Variants in MS4A4A observed in about 807,000 individuals in gnomAD.
The protein encoded by MS4A4A is membrane spanning 4-domains A4A.
Under a neutral mutation model 28.0 loss-of-function variants are expected in MS4A4A, and 26 were observed. The ratio of observed to expected loss-of-function variants is 0.93; its 90% confidence interval spans 0.68 to 1.29. MS4A4A has a LOEUF of 1.29. MS4A4A is among the 50% of genes most tolerant of loss of function. The pLI, the probability that MS4A4A is intolerant of heterozygous loss-of-function variation, is 0.00. For synonymous variants in MS4A4A, 86 were observed against 100.8 expected, an observed-to-expected ratio of 0.85 and a Z score of 0.88; for missense variants, 290 against 293.1, an observed-to-expected ratio of 0.99 and a Z score of 0.08.
chr11:60,292,584 T>C (rs964864115), intron 2 of MS4A4A, among the ~76,000 whole-genome samples, 200 bp downstream of exon 2: 2 of 152,194 alleles, frequency 1.3e-5, no homozygotes, highest in Non-Finnish European at 1.5e-5. Flanking sequence ...ATATTTAAAA[T>C]ATATTGAGTT....
At chr11:60,292,744 T>C (rs2084869064) in intron 2 of MS4A4A, among the ~76,000 whole-genome samples, 1 of 152,208 alleles carries the variant, frequency 6.6e-6, no homozygotes, top group Admixed American at 6.5e-5. Flanking sequence ...ATTGCTACTA[T>C]TTCTTTCTGG....
At chr11:60,301,330 C>G (rs372861848) in intron 4 of MS4A4A, among the ~76,000 whole-genome samples, 1 of 151,962 alleles carries the variant, frequency 6.6e-6, no homozygotes, top group Non-Finnish European at 1.5e-5. Flanking sequence ...CAAGTGGGAC[C>G]GCTCCAACAA....
intron 1 of MS4A4A, among the ~76,000 whole-genome samples, chr11:60,288,726 G>A (rs151323172): frequency 2.0e-5 from 3 of 152,276 alleles, no homozygotes; most frequent in African/African-American, 7.2e-5. Context: ...CAGCAGCAAG[G>A]CCTCAGGAAT....
chr11:60,288,747 G>A (rs1443351845), intron 1 of MS4A4A, among the ~76,000 whole-genome samples: 1 of 152,202 alleles, frequency 6.6e-6, no homozygotes, highest in Non-Finnish European at 1.5e-5. Flanking sequence ...GACTAAGCGT[G>A]TCTGTGGCTT....
At chr11:60,305,539 T>C (rs2084992029) in intron 5 of MS4A4A, among the ~76,000 whole-genome samples, 1 of 152,260 alleles carries the variant, frequency 6.6e-6, no homozygotes, top group South Asian at 2.1e-4. Flanking sequence ...TTCTGGCTCT[T>C]GCTTCCACTT....
Position 60,290,658 on chromosome 11 carries a change from C to G in MS4A4A, c.42-1567C>G, listed in dbSNP as rs115546750. Among the ~76,000 whole-genome samples the G allele has an allele frequency of 5.2e-3, 789 of 151,458 alleles. 12 individuals are homozygous for G. Among genetic ancestry groups the G allele is most frequent in the African/African-American group, 0.018 (743 of 41,340 alleles). ...TTGTAATTTTGTACTTTTTATTTTA[C>G]TATTTTTCATAATTTTAAGTATATA... On this transcript the variant is annotated intron_variant, in intron 1 of 6. Transcript: ENST00000337908.
intron 1 of MS4A4A, among the ~76,000 whole-genome samples, chr11:60,283,086 C>T (rs1186869530): frequency 1.3e-5 from 2 of 152,130 alleles, no homozygotes; most frequent in African/African-American, 4.8e-5. Flanking sequence ...TGGAAGGAAC[C>T]AATGACAAAC....
chr11:60,305,496 G>C (rs937262783), intron 5 of MS4A4A, among the ~76,000 whole-genome samples: 3 of 152,186 alleles, frequency 2.0e-5, no homozygotes, highest in Non-Finnish European at 4.4e-5. Flanking sequence ...CAAATCAAGC[G>C]ATGTAGCATC....
At chr11:60,297,591 C>A (rs2135024963) in intron 3 of MS4A4A, among the ~76,000 whole-genome samples, 1 of 152,264 alleles carries the variant, frequency 6.6e-6, no homozygotes, top group East Asian at 1.9e-4. Context: ...ATGGCTTAAA[C>A]ATTGGAAGCA....
chr11:60,308,364 A>AT lies in MS4A4A; in HGVS notation c.*193dup, dbSNP rs1228959314. On this transcript the variant is annotated 3_prime_UTR_variant, in exon 7 of 7. Transcript: ENST00000337908. ...ATAATAAATTCAAAATTATGTTCTC[A>AT]TTTTTTTCCCTGGAACTCAATAACT... 1.9e-6 allele frequency: 1 copy of AT among 523,938 alleles called. No individual in the cohort carries two copies. The highest frequency in any genetic ancestry group is 3.3e-6 in the Non-Finnish European group (1 of 305,404). The allele number at this position is 523,938 out of a possible 1,614,324, so 32.5% of individuals were successfully genotyped here. A position where few individuals can be genotyped will look rare whatever the true frequency, so the allele number is the denominator to read the frequency against.
intron 1 of MS4A4A, 138 bp downstream of exon 1, chr11:60,280,854 TG>T: frequency 3.1e-6 from 3 of 955,870 alleles, no homozygotes; most frequent in Non-Finnish European, 4.7e-6. Context: ...AGGGTTGGGG[TG>T]GGTTGAGTGC....
chr11:60,307,294 TC>T (rs2085011668), intron 6 of MS4A4A, among the ~76,000 whole-genome samples: 1 of 152,064 alleles, frequency 6.6e-6, no homozygotes, highest in Non-Finnish European at 1.5e-5. Flanking sequence ...CACATCCCAC[TC>T]CCCCACAGCC....
intron 5 of MS4A4A, 85 bp downstream of exon 5, chr11:60,302,802 C>T: frequency 1.6e-6 from 2 of 1,269,384 alleles, no homozygotes; most frequent in East Asian, 2.3e-5. Context: ...AATTAATATT[C>T]CCTAATTGAT....
rs1361944239 is a variant in MS4A4A at position 60,297,253 on chromosome 11, T to A, written c.258T>A (p.Cys86Ter). ...MSLSMGITMM[C>*]MASNTYGSNP... Reference sequence around the variant, plus strand: ...TTAGCATGGGAATAACAATGATGTGTATGGCATCTAATACTTATGGAAGTA... The same window carrying A: ...TTAGCATGGGAATAACAATGATGTGAATGGCATCTAATACTTATGGAAGTA... Residue 86 changes from cysteine (C) to a stop codon, truncating the protein, a stop_gained, in exon 3 of 7, where the codon TGT (cysteine) becomes TGA (stop). Coordinates refer to ENST00000337908, the MANE Select transcript of MS4A4A (RefSeq NM_148975.3). LOFTEE classifies it high-confidence loss of function. 9.9e-6 allele frequency: 16 copies of A among 1,613,586 alleles called. No individual in the cohort carries two copies. Among genetic ancestry groups the A allele is most frequent in the Middle Eastern group, 1.6e-4 (1 of 6,084 alleles).
At chr11:60,303,219 T>C (rs1457011603) in intron 5 of MS4A4A, among the ~76,000 whole-genome samples, 2 of 152,244 alleles carry the variant, frequency 1.3e-5, no homozygotes, top group African/African-American at 4.8e-5. Context: ...GTCTTCATTA[T>C]GACTTTTACT....
rs145509304 is a variant in MS4A4A at position 60,302,270 on chromosome 11, C to T, written c.388-289C>T. On this transcript the variant is annotated intron_variant, in intron 4 of 6. Coordinates refer to ENST00000337908, the MANE Select transcript of MS4A4A (RefSeq NM_148975.3). ...GTGGCAGGGAAGGACACAGACAGGG[C>T]TGTCCAGCTAAAGTGTGAAGGACAT... Among the ~76,000 whole-genome samples the T allele has an allele frequency of 6.7e-3, 1,026 of 152,284 alleles. 5 individuals carry two copies. The highest frequency in any genetic ancestry group is 0.012 in the Non-Finnish European group (788 of 68,014).
chr11:60,283,053 G>A (rs2084769828), intron 1 of MS4A4A, among the ~76,000 whole-genome samples: 3 of 152,136 alleles, frequency 2.0e-5, no homozygotes, highest in Admixed American at 2.0e-4. Context: ...GAATGAGATT[G>A]ATTGAGCATA....
chr11:60,305,738 T>C (rs113744727), intron 5 of MS4A4A: 2,679 of 171,904 alleles, frequency 0.016, 71 homozygotes, highest in African/African-American at 0.06. Flanking sequence ...TGCTTACAAT[T>C]ACTAAGATAT....
At chr11:60,300,586 A>C (rs2084943904) in intron 3 of MS4A4A, among the ~76,000 whole-genome samples, 1 of 141,052 alleles carries the variant, frequency 7.1e-6, no homozygotes, top group African/African-American at 2.7e-5. Flanking sequence ...ACTGCACTCC[A>C]GCCTGGGCGA....
Sources: gnomAD v4.1 joint callset for allele counts (sites outside exome capture counted in the v4.1 genomes callset) on GRCh38, gnomAD v4.1.1 for gene constraint, MANE v1.5 for transcripts, NCBI Gene and HGNC (gene_info 2026-07-23, HGNC 2026-07-21) for gene names.